The following FOXK1 variants were observed in gnomAD, a reference collection of about 807,000 sequenced individuals.
FOXK1 encodes forkhead box K1.
A neutral mutation model predicts 51.9 loss-of-function variants in FOXK1; 19 were observed. That is an observed-to-expected ratio of 0.37 (90% CI 0.26 to 0.54). The LOEUF (loss-of-function observed/expected upper bound fraction) is 0.54, where lower values mean the gene tolerates loss of function less well. Ranked by LOEUF, FOXK1 falls within the 20% of genes least tolerant of loss-of-function variation. The pLI is 0.87. For missense variants in FOXK1, 870 were observed against 1,032.7 expected, an observed-to-expected ratio of 0.84 and a Z score of 2.16; for synonymous variants, 537 against 482.6, an observed-to-expected ratio of 1.11 and a Z score of -1.48.
At position 4,717,592 on chromosome 7, in the gene FOXK1, G is replaced by A. The variant is rs554643518; in HGVS notation, c.561-23246G>A. ...AAGCAAGTGTCTGGGCTGCGTAGCT[G>A]TAAGGCAAGTGTCTGTGAAGCGCAT... is the stretch of plus-strand genomic sequence containing the variant. On this transcript the variant is annotated intron_variant, in intron 1 of 8. Transcript: ENST00000328914. 1.8e-4 allele frequency among the ~76,000 whole-genome samples: 28 copies of A among 152,258 alleles called. 1 individual carries two copies. Among genetic ancestry groups the A allele is most frequent in the Middle Eastern group, 6.8e-3 (2 of 294 alleles).
At chr7:4,701,444 A>G (rs1330390916) in intron 1 of FOXK1, among the ~76,000 whole-genome samples, 1 of 152,116 alleles carries the variant, frequency 6.6e-6, no homozygotes, top group Non-Finnish European at 1.5e-5. Flanking sequence ...AAATGTGGAA[A>G]AGTACAAAGG....
rs1302257219 is a variant in FOXK1 at position 4,705,974 on chromosome 7, GTATA to G, written c.560+23111_560+23114del. 4.9e-3 allele frequency among the ~76,000 whole-genome samples: 334 copies of G among 67,710 alleles called. 18 individuals carry two copies. The highest frequency in any genetic ancestry group is 0.028 in the African/African-American group (321 of 11,484). The allele number at this position is 67,710 out of a possible 152,430, so 44.4% of individuals were successfully genotyped here. ...TATATATATATGTATATATATATAC[GTATA>G]TATACGTATATATACGTATATATAC... On this transcript the variant is annotated intron_variant, in intron 1 of 8. Transcript: ENST00000328914.
In FOXK1 at chr7:4,723,164, TC is replaced by T. The variant is rs1240978460; in HGVS notation, c.561-17672del. ...GCGGAGCCAGCTTCAAAGCACTGGG[TC>T]CAGGGCGCCTGCTCGCGGTCACCCA... On this transcript the variant is annotated intron_variant, in intron 1 of 8. Transcript: ENST00000328914. This position sits in a 1 kb window ranked among gnomAD's most constrained non-coding sequence, Gnocchi z 4.7. 6.6e-6 allele frequency among the ~76,000 whole-genome samples: 1 copy of T among 151,532 alleles called. No individual in the cohort carries two copies. The highest frequency in any genetic ancestry group is 2.4e-5 in the African/African-American group (1 of 41,240).
At chr7:4,704,848 T>TTTTTTTTTTTTTTTTTTTTA (rs1378602664) in intron 1 of FOXK1, among the ~76,000 whole-genome samples, 1 of 150,708 alleles carries the variant, frequency 6.6e-6, no homozygotes, top group African/African-American at 2.5e-5. Context: ...TTTTTTTTTT[T>TTTTTTTTTTTTTTTTTTTTA]TGAGAAAAAG....
Position 4,747,437 on chromosome 7 carries a change from C to T in FOXK1, c.746+6414C>T, listed in dbSNP as rs1780719221. 6.6e-6 allele frequency among the ~76,000 whole-genome samples: 1 copy of T among 152,224 alleles called. No homozygotes were observed. The highest frequency in any genetic ancestry group is 6.5e-5 in the Admixed American group (1 of 15,286). ...TTGAAGCCACCATGCTGGTTATTCT[C>T]ACCAGGGCAAAGTGCACTTCAGAAA... On this transcript the variant is annotated intron_variant, in intron 2 of 8. Transcript: ENST00000328914. The surrounding 1 kb of genome is among the most constrained non-coding windows in gnomAD (Gnocchi z 9.2).
chr7:4,738,168 G>T (rs1194467238), intron 1 of FOXK1, among the ~76,000 whole-genome samples: 1 of 151,184 alleles, frequency 6.6e-6, no homozygotes, highest in Non-Finnish European at 1.5e-5. Context: ...CAGTCACGGT[G>T]GCTCATGCCT....
At chr7:4,724,567 T>G (rs1316058564) in intron 1 of FOXK1, among the ~76,000 whole-genome samples, 1 of 152,190 alleles carries the variant, frequency 6.6e-6, no homozygotes, top group African/African-American at 2.4e-5. Flanking sequence ...TTCTATTTTG[T>G]CCAAATGTGT....
chr7:4,703,937 C>G lies in FOXK1; in HGVS notation c.560+21069C>G, dbSNP rs1235099615. 1.3e-5 allele frequency among the ~76,000 whole-genome samples: 2 copies of G among 152,072 alleles called. No homozygotes were observed. Among genetic ancestry groups the G allele is most frequent in the African/African-American group, 4.8e-5 (2 of 41,404 alleles). Reference sequence around the variant, plus strand: ...GTCACTATAAATACAGAAAACCAAACCTGGTGGGAAAAAATGCGTGTATAC... The same window carrying G: ...GTCACTATAAATACAGAAAACCAAAGCTGGTGGGAAAAAATGCGTGTATAC... On this transcript the variant is annotated intron_variant, in intron 1 of 8. Transcript: ENST00000328914. The surrounding 1 kb of genome is among the most constrained non-coding windows in gnomAD (Gnocchi z 5.6).
chr7:4,715,121 T>C lies in FOXK1; in HGVS notation c.561-25717T>C, dbSNP rs73303373. ...TATTCAAAGCCAGTGCAGCTGGAAT[T>C]GTGATATAGTGCACGGTGGAATTGT... is the stretch of plus-strand genomic sequence containing the variant. On this transcript the variant is annotated intron_variant, in intron 1 of 8. Transcript: ENST00000328914. The surrounding 1 kb of genome is among the most constrained non-coding windows in gnomAD (Gnocchi z 4.5). Among the ~76,000 whole-genome samples the C allele has an allele frequency of 0.032, 4,696 of 144,556 alleles. 227 individuals carry two copies. Among genetic ancestry groups the C allele is most frequent in the African/African-American group, 0.12 (4,378 of 37,356 alleles). The allele number at this position is 144,556 out of a possible 152,430, so 94.8% of individuals were successfully genotyped here.
intron 1 of FOXK1, among the ~76,000 whole-genome samples, chr7:4,694,532 A>G (rs900263292): frequency 2.6e-5 from 4 of 152,178 alleles, no homozygotes; most frequent in Non-Finnish European, 4.4e-5. Context: ...CCAGACCTAC[A>G]GTTGTGATAG....
chr7:4,705,442 G>A (rs1295289105), intron 1 of FOXK1, among the ~76,000 whole-genome samples: 4 of 151,668 alleles, frequency 2.6e-5, no homozygotes, highest in African/African-American at 7.3e-5. Context: ...TTGGCCTCCC[G>A]CAGTGCTGGG....
Position 4,707,748 on chromosome 7 carries a change from G to A in FOXK1, c.560+24880G>A, listed in dbSNP as rs1165750992. 6.6e-6 allele frequency among the ~76,000 whole-genome samples: 1 copy of A among 151,474 alleles called. No individual in the cohort carries two copies. Among genetic ancestry groups the A allele is most frequent in the Non-Finnish European group, 1.5e-5 (1 of 67,950 alleles). On this transcript the variant is annotated intron_variant, in intron 1 of 8. Transcript: ENST00000328914. This position sits in a 1 kb window ranked among gnomAD's most constrained non-coding sequence, Gnocchi z 4.1. ...TGCCCAGGCTGGAGTGCAGTGGCAC[G>A]ATCGTGGCTCTCTGCAACCTCCGCC...
chr7:4,684,525 A>G (rs1156647926), intron 1 of FOXK1, among the ~76,000 whole-genome samples: 2 of 152,188 alleles, frequency 1.3e-5, no homozygotes, highest in African/African-American at 4.8e-5. Context: ...AGAACTCAGG[A>G]GATAACAAAT....
rs143454780 is a variant in FOXK1, at chr7:4,715,240, G to A, written c.561-25598G>A. 7.2e-5 allele frequency among the ~76,000 whole-genome samples: 11 copies of A among 152,312 alleles called. No individual in the cohort carries two copies. The highest frequency in any genetic ancestry group is 2.4e-4 in the African/African-American group (10 of 41,580). ...GAACTGTGATGATATCGGGCATGGCGAAATTGTGATACGGTGCATGGTGTT... is the reference window on the plus strand; with the variant it reads ...GAACTGTGATGATATCGGGCATGGCAAAATTGTGATACGGTGCATGGTGTT... On this transcript the variant is annotated intron_variant, in intron 1 of 8. Transcript: ENST00000328914. This position sits in a 1 kb window ranked among gnomAD's most constrained non-coding sequence, Gnocchi z 4.5.
intron 1 of FOXK1, among the ~76,000 whole-genome samples, chr7:4,705,950 A>ATATATATATGTATATATATATACG (rs1316456078): frequency 2.2e-4 from 29 of 129,596 alleles, no homozygotes; most frequent in South Asian, 4.3e-4. Flanking sequence ...TCAAAATTAT[A>ATATATATATGTATATATATATACG]TATATATATG....
intron 2 of FOXK1, among the ~76,000 whole-genome samples, chr7:4,744,521 G>C (rs974788529): frequency 6.6e-6 from 1 of 152,232 alleles, no homozygotes; most frequent in Non-Finnish European, 1.5e-5. Context: ...TATTGTTTCT[G>C]AGTTGGTTCA....
intron 1 of FOXK1, among the ~76,000 whole-genome samples, chr7:4,716,786 A>G (rs1416762384): frequency 6.6e-6 from 1 of 152,244 alleles, no homozygotes; most frequent in Non-Finnish European, 1.5e-5. Flanking sequence ...GCTGGCTTAC[A>G]TAGGCGTCAC....
chr7:4,751,340 C>T (rs11971004), intron 2 of FOXK1, among the ~76,000 whole-genome samples: 1,796 of 151,730 alleles, frequency 0.012, 39 homozygotes, highest in African/African-American at 0.04. Flanking sequence ...CCACCGTGCC[C>T]GGCCCAGCAT....
Position 4,755,395 on chromosome 7 carries a change from T to G in FOXK1, c.1050+12T>G. On this transcript the variant is annotated intron_variant, in intron 4 of 8. Coordinates refer to ENST00000328914, the MANE Select transcript of FOXK1 (RefSeq NM_001037165.2). This position sits in a 1 kb window ranked among gnomAD's most constrained non-coding sequence, Gnocchi z 6.6. ...ACAAAGGCTGGCAGGTGAAGCCGAG[T>G]CCCCAGGGCCGGATCGCCTCTGAAG... 1 of 1,612,860 alleles carries G rather than the reference T, an allele frequency of 6.2e-7. No homozygotes were observed. Among genetic ancestry groups the G allele is most frequent in the Non-Finnish European group, 8.5e-7 (1 of 1,179,718 alleles).
Sources: gnomAD v4.1 joint callset for allele counts (sites outside exome capture counted in the v4.1 genomes callset) on GRCh38, gnomAD v4.1.1 for gene constraint, Gnocchi (gnomAD v3.1) non-coding constraint, MANE v1.5 for transcripts, NCBI Gene and HGNC (gene_info 2026-07-23, HGNC 2026-07-21) for gene names.